Variants in NTNG1 observed in about 807,000 individuals in gnomAD.
The protein encoded by NTNG1 is netrin G1.
In NTNG1, 16 loss-of-function variants were observed where a neutral mutation model predicts 54.0. That is an observed-to-expected ratio of 0.30 (90% CI 0.20 to 0.45). NTNG1 has a LOEUF of 0.45. NTNG1 is among the 20% of genes least tolerant of loss of function. NTNG1 has a pLI of 1.00. For missense variants in NTNG1, 530 were observed against 678.7 expected (o/e 0.78, Z 2.43); for synonymous variants, 255 against 263.1 (o/e 0.97, Z 0.30).
intron 2 of NTNG1, among the ~76,000 whole-genome samples, chr1:107,317,013 T>C (rs1011569642): frequency 2.6e-5 from 4 of 152,198 alleles, no homozygotes; most frequent in African/African-American, 4.8e-5. Flanking sequence ...CAGCAGAGAA[T>C]GCTTTTGGTC....
intron 7 of NTNG1, among the ~76,000 whole-genome samples, chr1:107,452,686 C>T (rs1676698663): frequency 6.6e-6 from 1 of 152,136 alleles, no homozygotes; most frequent in Non-Finnish European, 1.5e-5. Context: ...CTTGGGTTTT[C>T]TTTCTTTCCA....
At chr1:107,480,189 A>G (rs915982750) in intron 7 of NTNG1, among the ~76,000 whole-genome samples, 1 of 151,956 alleles carries the variant, frequency 6.6e-6, no homozygotes, top group Admixed American at 6.5e-5. Flanking sequence ...CATTTTAGCA[A>G]TACCGCTTTG....
chr1:107,162,632 C>A (rs1386508986), intron 2 of NTNG1, among the ~76,000 whole-genome samples: 1 of 152,038 alleles, frequency 6.6e-6, no homozygotes, highest in Admixed American at 6.6e-5. Context: ...GAGCAAATTT[C>A]TTTGACTAGA....
intron 2 of NTNG1, among the ~76,000 whole-genome samples, chr1:107,187,918 A>G (rs1425337179): frequency 6.6e-6 from 1 of 152,176 alleles, no homozygotes; most frequent in African/African-American, 2.4e-5. Flanking sequence ...TAGGCTTAAA[A>G]ATTCTCAGTT....
At chr1:107,455,367 G>A (rs1676885733) in intron 7 of NTNG1, among the ~76,000 whole-genome samples, 1 of 152,158 alleles carries the variant, frequency 6.6e-6, no homozygotes, top group Admixed American at 6.5e-5. Flanking sequence ...CCCAGCCCAT[G>A]GTGACTTTAA....
At position 107,440,198 on chromosome 1, in the gene NTNG1, C is replaced by T. The variant is rs1202850475; in HGVS notation, c.1390+3399C>T. 8.6e-5 allele frequency among the ~76,000 whole-genome samples: 13 copies of T among 152,034 alleles called. 1 individual carries two copies. The highest frequency in any genetic ancestry group is 8.5e-4 in the Admixed American group (13 of 15,262). Reference sequence around the variant, plus strand: ...AGGAAGAGTCCAAGGGATCCAGGCCCAAGGTTCCAGTCCTCCCAGAGGATT... The same window carrying T: ...AGGAAGAGTCCAAGGGATCCAGGCCTAAGGTTCCAGTCCTCCCAGAGGATT... On this transcript the variant is annotated intron_variant, in intron 7 of 7. Transcript: ENST00000370068.
At chr1:107,468,678 C>T (rs925913672) in intron 7 of NTNG1, among the ~76,000 whole-genome samples, 1 of 152,214 alleles carries the variant, frequency 6.6e-6, no homozygotes, top group African/African-American at 2.4e-5. Flanking sequence ...GTTAACTAAT[C>T]ACCTTCTCAA....
chr1:107,292,037 C>T (rs188035179), intron 2 of NTNG1, among the ~76,000 whole-genome samples: 1 of 151,576 alleles, frequency 6.6e-6, no homozygotes, highest in Non-Finnish European at 1.5e-5. Flanking sequence ...CAAAGAGAAG[C>T]GAGGAAGGCA....
At chr1:107,385,759 T>C (rs1240699567) in intron 3 of NTNG1, among the ~76,000 whole-genome samples, 1 of 152,074 alleles carries the variant, frequency 6.6e-6, no homozygotes, top group Non-Finnish European at 1.5e-5. Context: ...TGCACAGGGC[T>C]ACATGATTCC....
chr1:107,371,041 C>T (rs1337200577), intron 3 of NTNG1, among the ~76,000 whole-genome samples: 1 of 152,006 alleles, frequency 6.6e-6, no homozygotes, highest in Non-Finnish European at 1.5e-5. Flanking sequence ...AGCATCTTTT[C>T]TTGCTCCTTA....
intron 2 of NTNG1, among the ~76,000 whole-genome samples, chr1:107,177,104 A>G (rs1475611338): frequency 6.6e-6 from 1 of 152,154 alleles, no homozygotes; most frequent in Admixed American, 6.5e-5. Context: ...CTGCTATTCT[A>G]ATGATTCTAA....
chr1:107,268,511 T>G (rs549055112), intron 2 of NTNG1, among the ~76,000 whole-genome samples: 1 of 152,124 alleles, frequency 6.6e-6, no homozygotes, highest in Admixed American at 6.6e-5. Flanking sequence ...TGGCTTTTCT[T>G]TACTGGTTTC....
chr1:107,403,804 A>G (rs1673216957), intron 4 of NTNG1, among the ~76,000 whole-genome samples: 1 of 151,962 alleles, frequency 6.6e-6, no homozygotes, highest in Non-Finnish European at 1.5e-5. Flanking sequence ...TCTGATGTTG[A>G]CTATAAAGGG....
At chr1:107,168,354 A>C (rs1205733614) in intron 2 of NTNG1, among the ~76,000 whole-genome samples, 1 of 152,098 alleles carries the variant, frequency 6.6e-6, no homozygotes, top group South Asian at 2.1e-4. Context: ...TTAGTTATTA[A>C]TCGATGAAGT....
intron 2 of NTNG1, among the ~76,000 whole-genome samples, chr1:107,276,340 C>A (rs574242458): frequency 6.6e-6 from 1 of 152,182 alleles, no homozygotes; most frequent in Non-Finnish European, 1.5e-5. Flanking sequence ...CTACCATGCT[C>A]CCAAAAGTCA....
rs1252706267 is a variant in NTNG1, at chr1:107,484,321, C to G, written c.*3481C>G. 6.6e-6 allele frequency among the ~76,000 whole-genome samples: 1 copy of G among 152,192 alleles called. No homozygotes were observed. Among genetic ancestry groups the G allele is most frequent in the East Asian group, 1.9e-4 (1 of 5,198 alleles). ...GCTACCACGAGGCTGGGGGCCAGTACAGAACACTGAACAGTCTAAGAATTC... is the reference window on the plus strand; with the variant it reads ...GCTACCACGAGGCTGGGGGCCAGTAGAGAACACTGAACAGTCTAAGAATTC... On this transcript the variant is annotated 3_prime_UTR_variant, in exon 8 of 8. Coordinates refer to ENST00000370068, the MANE Select transcript of NTNG1 (RefSeq NM_001113226.3).
intron 3 of NTNG1, among the ~76,000 whole-genome samples, chr1:107,329,250 G>A (rs1668137365): frequency 6.6e-6 from 1 of 152,112 alleles, no homozygotes; most frequent in African/African-American, 2.4e-5. Context: ...CACTCTCCCT[G>A]CCTAATCCCA....
At chr1:107,255,217 G>C (rs928647225) in intron 2 of NTNG1, among the ~76,000 whole-genome samples, 1 of 152,134 alleles carries the variant, frequency 6.6e-6, no homozygotes, top group African/African-American at 2.4e-5. Context: ...CAGAAGGTAA[G>C]CTATTTACAA....
At chr1:107,216,080 T>G (rs1233872712) in intron 2 of NTNG1, among the ~76,000 whole-genome samples, 2 of 152,194 alleles carry the variant, frequency 1.3e-5, no homozygotes, top group East Asian at 3.8e-4. Context: ...TATACAATCA[T>G]GTCATCAGCA....
Sources: gnomAD v4.1 joint callset for allele counts (sites outside exome capture counted in the v4.1 genomes callset) on GRCh38, gnomAD v4.1.1 for gene constraint, MANE v1.5 for transcripts, NCBI Gene and HGNC (gene_info 2026-07-23, HGNC 2026-07-21) for gene names.